CAMKMT: variants seen among roughly 807,000 people sequenced by gnomAD.
The protein encoded by CAMKMT is calmodulin-lysine N-methyltransferase, also known as CaM KMT.
A neutral mutation model predicts 48.0 loss-of-function variants in CAMKMT; 53 were observed. The ratio of observed to expected loss-of-function variants is 1.10; its 90% CI spans 0.89 to 1.39. CAMKMT has a LOEUF of 1.39. CAMKMT is among the 40% of genes most tolerant of loss of function. The pLI is 0.00. For synonymous variants in CAMKMT, 165 were observed against 152.3 expected (o/e 1.08, Z -0.61); for missense variants, 428 against 402.7 (o/e 1.06, Z -0.54).
chr2:44,650,691 A>G (rs139347242), intron 3 of CAMKMT, among the ~76,000 whole-genome samples: 266 of 152,346 alleles, frequency 1.7e-3, no homozygotes, highest in Non-Finnish European at 2.7e-3. Flanking sequence ...TCCAGACTAT[A>G]CTGTATGCCA....
chr2:44,441,209 G>A (rs916631037), intron 3 of CAMKMT, among the ~76,000 whole-genome samples: 10 of 151,972 alleles, frequency 6.6e-5, no homozygotes, highest in Non-Finnish European at 1.3e-4. Context: ...TGAGGTACTT[G>A]AAGTTCGTGC....
At chr2:44,477,491 A>T (rs1668748172) in intron 3 of CAMKMT, among the ~76,000 whole-genome samples, 1 of 152,172 alleles carries the variant, frequency 6.6e-6, no homozygotes, top group African/African-American at 2.4e-5. Context: ...TGAAAAACAT[A>T]AACTACAGTA....
intron 3 of CAMKMT, among the ~76,000 whole-genome samples, chr2:44,575,940 CTTA>C (rs1439513453): frequency 2.0e-5 from 3 of 152,140 alleles, no homozygotes; most frequent in Non-Finnish European, 2.9e-5. Context: ...TTCCTAGTGA[CTTA>C]TTATATCCTG....
chr2:44,534,944 T>A (rs929327138), intron 3 of CAMKMT, among the ~76,000 whole-genome samples: 7 of 151,756 alleles, frequency 4.6e-5, no homozygotes, highest in African/African-American at 1.7e-4. Flanking sequence ...AAATGAAAAG[T>A]TGGCTTTTTT....
intron 3 of CAMKMT, among the ~76,000 whole-genome samples, chr2:44,502,925 A>T (rs1670076906): frequency 6.6e-6 from 1 of 152,080 alleles, no homozygotes; most frequent in East Asian, 1.9e-4. Flanking sequence ...TAACTCATCT[A>T]ATTATTTTTA....
intron 3 of CAMKMT, among the ~76,000 whole-genome samples, chr2:44,527,777 T>A (rs1666234664): frequency 8.7e-6 from 1 of 114,652 alleles, no homozygotes; most frequent in Admixed American, 1.0e-4. Flanking sequence ...TCCTCCCACA[T>A]GTGTACAGCC....
At chr2:44,462,270 T>G (rs920924381) in intron 3 of CAMKMT, among the ~76,000 whole-genome samples, 3 of 152,220 alleles carry the variant, frequency 2.0e-5, no homozygotes, top group Non-Finnish European at 4.4e-5. Flanking sequence ...AAATAATTTA[T>G]GTTATCACTT....
At chr2:44,525,867 T>C (rs1391382393) in intron 3 of CAMKMT, among the ~76,000 whole-genome samples, 1 of 151,120 alleles carries the variant, frequency 6.6e-6, no homozygotes, top group Non-Finnish European at 1.5e-5. Flanking sequence ...TTTCTTTTAT[T>C]ATTATTATAC....
intron 3 of CAMKMT, among the ~76,000 whole-genome samples, chr2:44,690,510 C>T (rs933272142): frequency 1.2e-4 from 19 of 152,144 alleles, no homozygotes; most frequent in South Asian, 2.1e-4. Flanking sequence ...CTGGCTGTGC[C>T]GCTTCAGCTT....
chr2:44,625,468 T>G (rs959000136), intron 3 of CAMKMT, among the ~76,000 whole-genome samples: 7 of 152,122 alleles, frequency 4.6e-5, no homozygotes, highest in Non-Finnish European at 5.9e-5. Flanking sequence ...TTGGCTTGCC[T>G]TTTTATTTTA....
At position 44,414,093 on chromosome 2, in the gene CAMKMT, T is replaced by C. The variant is rs530042744; in HGVS notation, c.376+23788T>C. ...TGAATGATACCCTCTCCCAAACCTG[T>C]CCCACATCCTCATATCTCTGGCAAC... On this transcript the variant is annotated intron_variant, in intron 3 of 10. Coordinates refer to ENST00000378494, the MANE Select transcript of CAMKMT (RefSeq NM_024766.5). 9.2e-5 allele frequency among the ~76,000 whole-genome samples: 14 copies of C among 152,286 alleles called. No individual in the cohort carries two copies. The South Asian group carries it at 2.5e-3, about 27-fold the overall frequency.
intron 7 of CAMKMT, among the ~76,000 whole-genome samples, chr2:44,719,263 C>CGAGA (rs1678336989): frequency 2.0e-5 from 3 of 152,188 alleles, no homozygotes; most frequent in Admixed American, 6.5e-5. Context: ...CTTGCCTTCT[C>CGAGA]AGCCTACCCT....
At chr2:44,622,507 C>T (rs1672255516) in intron 3 of CAMKMT, among the ~76,000 whole-genome samples, 1 of 152,142 alleles carries the variant, frequency 6.6e-6, no homozygotes, top group South Asian at 2.1e-4. Context: ...TCCCTCCTTC[C>T]TCTTATATTC....
At chr2:44,453,295 G>C (rs948126063) in intron 3 of CAMKMT, among the ~76,000 whole-genome samples, 3 of 151,998 alleles carry the variant, frequency 2.0e-5, no homozygotes, top group Non-Finnish European at 2.9e-5. Context: ...ATTAATGTTT[G>C]TACTAGTGAG....
At chr2:44,492,094 A>G (rs1669536246) in intron 3 of CAMKMT, among the ~76,000 whole-genome samples, 2 of 152,334 alleles carry the variant, frequency 1.3e-5, no homozygotes, top group African/African-American at 2.4e-5. Context: ...GGACAGAGAA[A>G]AAAAGGCAGG....
At chr2:44,689,545 G>A (rs925157091) in intron 3 of CAMKMT, among the ~76,000 whole-genome samples, 8 of 152,026 alleles carry the variant, frequency 5.3e-5, no homozygotes, top group Admixed American at 2.6e-4. Context: ...CTTCCCCCAC[G>A]TAAAGGAATA....
chr2:44,391,467 C>A (rs777136709), intron 3 of CAMKMT, among the ~76,000 whole-genome samples: 1 of 151,900 alleles, frequency 6.6e-6, no homozygotes, highest in Admixed American at 6.6e-5. Flanking sequence ...TTAGGTGTAT[C>A]TCATATTTTT....
chr2:44,427,890 C>G (rs1684384241), intron 3 of CAMKMT, among the ~76,000 whole-genome samples: 1 of 152,134 alleles, frequency 6.6e-6, no homozygotes, highest in African/African-American at 2.4e-5. Flanking sequence ...GCTCAGCTGC[C>G]GTGCCCAAAC....
chr2:44,433,318 A>G (rs1454158422), intron 3 of CAMKMT, among the ~76,000 whole-genome samples: 1 of 152,192 alleles, frequency 6.6e-6, no homozygotes, highest in Non-Finnish European at 1.5e-5. Context: ...GACTGATGCA[A>G]TAGAAGTGAA....
Sources: gnomAD v4.1 joint callset for allele counts (sites outside exome capture counted in the v4.1 genomes callset) on GRCh38, gnomAD v4.1.1 for gene constraint, MANE v1.5 for transcripts, NCBI Gene and HGNC (gene_info 2026-07-23, HGNC 2026-07-21) for gene names.